PARVB: variants seen among roughly 807,000 people sequenced by gnomAD.
The protein encoded by PARVB is beta-parvin.
A neutral mutation model predicts 47.0 loss-of-function variants in PARVB; 46 were observed. That is an observed-to-expected ratio of 0.98 (90% CI 0.77 to 1.25). The LOEUF is 1.25. PARVB is among the 50% of genes most tolerant of loss of function. PARVB has a pLI of 0.00. For missense variants in PARVB, 473 were observed against 471.6 expected, an observed-to-expected ratio of 1.00 and a Z score of -0.03; for synonymous variants, 196 against 196.3, an observed-to-expected ratio of 1.00 and a Z score of 0.01.
At chr22:44,127,631 G>A (rs2053216404) in intron 4 of PARVB, among the ~76,000 whole-genome samples, 1 of 152,226 alleles carries the variant, frequency 6.6e-6, no homozygotes, top group Admixed American at 6.5e-5. Context: ...GCAAAGGTCA[G>A]TCACAAGGGA....
chr22:44,005,305 G>A (rs1314326064), intron 2 of PARVB, among the ~76,000 whole-genome samples: 2 of 148,878 alleles, frequency 1.3e-5, no homozygotes, highest in African/African-American at 5.0e-5. Flanking sequence ...TAGAGACAGG[G>A]TGTTGCTATA....
chr22:44,152,720 C>G (rs1489233796), intron 10 of PARVB: 2 of 152,156 alleles, frequency 1.3e-5, no homozygotes, highest in Non-Finnish European at 1.5e-5. Flanking sequence ...TATTTTTGGG[C>G]ACTCCGAGAG....
At chr22:44,166,200 C>T (rs2054163743) in intron 12 of PARVB, among the ~76,000 whole-genome samples, 1 of 152,206 alleles carries the variant, frequency 6.6e-6, no homozygotes, top group African/African-American at 2.4e-5. Flanking sequence ...ATCTCCGCCT[C>T]CTAGGTTCAA....
Position 44,106,805 on chromosome 22 carries a change from TAA to T in PARVB, c.273+6695_273+6696del, listed in dbSNP as rs36102795. On this transcript the variant is annotated intron_variant, in intron 3 of 12. Coordinates refer to ENST00000338758, the MANE Select transcript of PARVB (RefSeq NM_013327.5). ...TTGTGAGATGCCCTCTGCTCCTGTT[TAA>T]AAAAAAAAAAAATCCTTAGCTCTGG... The T allele has an allele frequency of 5.4e-3, 796 of 148,322 alleles. 5 individuals are homozygous for T. Among genetic ancestry groups the T allele is most frequent in the African/African-American group, 0.016 (646 of 40,434 alleles). 9.2% of individuals were successfully genotyped at this position (148,322 alleles called of 1,614,324 possible). A position where few individuals can be genotyped will look rare whatever the true frequency, so the allele number is the denominator to read the frequency against.
chr22:44,082,128 G>A (rs563086676), intron 1 of PARVB, among the ~76,000 whole-genome samples: 28 of 152,312 alleles, frequency 1.8e-4, no homozygotes, highest in African/African-American at 6.7e-4. Context: ...GGCGGGGGAG[G>A]CTGGCTTTGG....
chr22:44,042,499 C>T (rs2146919973), intron 1 of PARVB, among the ~76,000 whole-genome samples: 1 of 152,312 alleles, frequency 6.6e-6, no homozygotes, highest in East Asian at 1.9e-4. Context: ...CAGCTGTAGG[C>T]ATTTGCAGAG....
chr22:44,059,944 G>A (rs749047361), intron 1 of PARVB, among the ~76,000 whole-genome samples: 16 of 152,028 alleles, frequency 1.1e-4, no homozygotes, highest in Non-Finnish European at 1.8e-4. Context: ...GCTTGCTATC[G>A]GGAGAAATGT....
chr22:44,097,591 C>T (rs531818287), intron 2 of PARVB, among the ~76,000 whole-genome samples: 5 of 152,328 alleles, frequency 3.3e-5, no homozygotes, highest in South Asian at 2.1e-4. Context: ...CCCCGTGAGA[C>T]GCAGCTGCTC....
At chr22:44,053,512 A>T (rs1257005902) in intron 1 of PARVB, among the ~76,000 whole-genome samples, 1 of 152,204 alleles carries the variant, frequency 6.6e-6, no homozygotes, top group Non-Finnish European at 1.5e-5. Flanking sequence ...TGCCTGGGAA[A>T]GCCCAGACTC....
chr22:44,119,863 T>G (rs549581598), intron 4 of PARVB: 46 of 530,922 alleles, frequency 8.7e-5, no homozygotes, highest in African/African-American at 8.5e-4. Flanking sequence ...CGGCCTGGCC[T>G]GGGGGTGGGG....
chr22:44,055,660 C>CTG (rs1569080194), intron 1 of PARVB, among the ~76,000 whole-genome samples: 2 of 101,986 alleles, frequency 2.0e-5, no homozygotes, highest in East Asian at 5.9e-4. Context: ...CTATCCATCT[C>CTG]TCTCTCTCTC....
rs1464473135 is a variant in PARVB, at chr22:44,168,863, TCTC to T, written c.*189_*191del. The stretch of plus-strand genomic sequence containing the variant: ...TGCCTCTTTTGGTTGTTGTTCTTAA[TCTC>T]CTCTCCATGTAGTTCCCAGTGGGCA... On this transcript the variant is annotated 3_prime_UTR_variant, in exon 13 of 13. Coordinates refer to ENST00000338758, the MANE Select transcript of PARVB (RefSeq NM_013327.5). The T allele has an allele frequency of 5.3e-6, 3 of 563,242 alleles. No homozygotes were observed. The African/African-American group carries it at 6.0e-5, about 11-fold the overall frequency. 34.9% of individuals were successfully genotyped at this position (563,242 alleles called of 1,614,324 possible).
intron 1 of PARVB, among the ~76,000 whole-genome samples, chr22:44,079,675 C>T (rs953322837): frequency 1.3e-5 from 2 of 152,194 alleles, no homozygotes; most frequent in Non-Finnish European, 2.9e-5. Context: ...GAAAACAATA[C>T]ATTACACTTT....
upstream of PARVB, among the ~76,000 whole-genome samples, chr22:44,021,814 CACAG>C (rs1476747687): frequency 1.7e-3 from 237 of 138,540 alleles, 6 homozygotes; most frequent in African/African-American, 6.3e-3. Context: ...CACACACACA[CACAG>C]GGCCTAGTAG....
chr22:44,140,557 T>C (rs1457217008), intron 8 of PARVB: 1 of 533,730 alleles, frequency 1.9e-6, no homozygotes, highest in South Asian at 1.4e-5. Flanking sequence ...TCCATGTGTA[T>C]TATTTCCTCC....
chr22:44,129,326 A>G (rs993737090), intron 4 of PARVB, among the ~76,000 whole-genome samples: 3 of 152,160 alleles, frequency 2.0e-5, no homozygotes, highest in Non-Finnish European at 2.9e-5. Context: ...GCTGTGACAT[A>G]AATCTCCGTT....
At chr22:44,047,490 A>T (rs1362008801) in intron 1 of PARVB, among the ~76,000 whole-genome samples, 1 of 151,996 alleles carries the variant, frequency 6.6e-6, no homozygotes, top group Admixed American at 6.6e-5. Context: ...GCGAAACCCC[A>T]TCTCTACTGA....
chr22:44,023,779 C>T (rs181361188), upstream of PARVB, among the ~76,000 whole-genome samples: 664 of 152,204 alleles, frequency 4.4e-3, 3 homozygotes, highest in African/African-American at 0.015. Flanking sequence ...CTCCCCGTCG[C>T]CTCTTCCAGA....
At chr22:44,076,318 C>T (rs986632527) in intron 1 of PARVB, among the ~76,000 whole-genome samples, 9 of 152,218 alleles carry the variant, frequency 5.9e-5, no homozygotes, top group Admixed American at 3.3e-4. Context: ...GGCGGCCACC[C>T]GCAGCCCTGT....
Sources: allele counts gnomAD v4.1 joint callset (sites outside exome capture counted in the v4.1 genomes callset), GRCh38; gene constraint gnomAD v4.1.1; transcripts MANE v1.5; gene names NCBI Gene and HGNC (gene_info 2026-07-23, HGNC 2026-07-21).